IGDCC4: variants seen among roughly 807,000 people sequenced by gnomAD.
The protein encoded by IGDCC4 is immunoglobulin superfamily DCC subclass member 4, also known as likely ortholog of mouse neighbor of Punc E11.
A neutral mutation model predicts 116.6 loss-of-function variants in IGDCC4; 72 were observed. The ratio of observed to expected loss-of-function variants is 0.62; its 90% CI spans 0.51 to 0.75. The LOEUF (loss-of-function observed/expected upper bound fraction) is 0.75. Among genes scored for constraint, IGDCC4 ranks in the 30% least tolerant of loss-of-function variants. The probability of loss-of-function intolerance (pLI) is 0.00; values close to 1 mark genes in which losing one functional copy is unlikely to be tolerated. For synonymous variants in IGDCC4, 709 were observed against 719.9 expected, an observed-to-expected ratio of 0.98 and a Z score of 0.24; for missense variants, 1,501 against 1,662.4, an observed-to-expected ratio of 0.90 and a Z score of 1.69.
chr15:65,394,724 C>T (rs1184849354), intron 8 of IGDCC4, among the ~76,000 whole-genome samples, 176 bp from the exon 9 acceptor site: 1 of 152,188 alleles, frequency 6.6e-6, no homozygotes, highest in Non-Finnish European at 1.5e-5. Context: ...GAGGGGACAT[C>T]TTTCCCACCC....
At chr15:65,410,049 G>T in intron 3 of IGDCC4, 129 bp downstream of exon 3, 1 of 1,107,544 alleles carries the variant, frequency 9.0e-7, no homozygotes, top group Non-Finnish European at 1.3e-6. Context: ...CAGGAGTCAG[G>T]CGGTGGTTAA....
chr15:65,388,962 T>C lies in IGDCC4; in HGVS notation c.2553A>G (p.Pro851=). The part of the protein sequence containing the change: ...STLPDRPSTP[P]SDLRLSPLTP... ...TCAGGGGGCTCAGTCGCAGGTCGGA[T>C]GGGGGTGTGGAGGGCCCTGGGGTGC... Residue 851 remains proline (P), a synonymous_variant, in exon 15 of 20, where the codon CCA becomes CCG. Transcript: ENST00000352385. 1.2e-6 allele frequency: 2 copies of C among 1,600,822 alleles called. No homozygotes were observed. The highest frequency in any genetic ancestry group is 1.7e-6 in the Non-Finnish European group (2 of 1,174,362).
intron 1 of IGDCC4, among the ~76,000 whole-genome samples, chr15:65,421,800 T>C (rs2063193626): frequency 6.7e-6 from 1 of 149,204 alleles, no homozygotes; most frequent in Non-Finnish European, 1.5e-5. Flanking sequence ...CCCTGCCACC[T>C]ACACTCCCCA....
Position 65,400,878 on chromosome 15 carries a change from A to G in IGDCC4, c.769T>C (p.Ser257Pro). Residue 257 changes from serine (S) to proline (P), a missense_variant, in exon 5 of 20, where the codon TCT becomes CCT. This residue lies in a region of IGDCC4 where 898 missense variants were observed against 978.9 expected (regional missense o/e 0.92). Coordinates refer to ENST00000352385, the MANE Select transcript of IGDCC4 (RefSeq NM_020962.3). Reference protein sequence around the residue: ...VAAPENTTVVSGQSVVMECVA... With the variant: ...VAAPENTTVVPGQSVVMECVA... ...CATTCCATCACCACACTCTGGCCAG[A>G]CACCACTGTGGTGTTCTCTGGGGCT... The G allele has an allele frequency of 6.2e-7, 1 of 1,613,958 alleles. No individual in the cohort carries two copies. Among genetic ancestry groups the G allele is most frequent in the Non-Finnish European group, 8.5e-7 (1 of 1,179,966 alleles).
In IGDCC4 at chr15:65,402,496, G is replaced by C; in HGVS notation, c.564-9C>G. On this transcript the variant is annotated splice_polypyrimidine_tract_variant and intron_variant, in intron 3 of 19. Coordinates refer to ENST00000352385, the MANE Select transcript of IGDCC4 (RefSeq NM_020962.3). ...TGGGAAGCACGATGAGCCTTGGGAA[G>C]AGGGGAGCAGGCAACTGTGAGGTGG... The C allele has an allele frequency of 6.4e-7, 1 of 1,564,716 alleles. No homozygotes were observed. Among genetic ancestry groups the C allele is most frequent in the Non-Finnish European group, 8.7e-7 (1 of 1,153,654 alleles).
intron 3 of IGDCC4, among the ~76,000 whole-genome samples, chr15:65,403,569 G>A (rs1455645230): frequency 6.6e-6 from 1 of 152,066 alleles, no homozygotes; most frequent in African/African-American, 2.4e-5. Flanking sequence ...CCATTTTACT[G>A]GTGAAAAATA....
At chr15:65,404,215 A>C (rs985269989) in intron 3 of IGDCC4, among the ~76,000 whole-genome samples, 5 of 152,206 alleles carry the variant, frequency 3.3e-5, no homozygotes, top group African/African-American at 1.2e-4. Flanking sequence ...ACTTAGAGAA[A>C]AAAAGCATAA....
In IGDCC4 at chr15:65,384,550, A is replaced by G; in HGVS notation, c.3343-131T>C. 1 of 905,646 alleles carries G rather than the reference A, an allele frequency of 1.1e-6. No homozygotes were observed. The highest frequency in any genetic ancestry group is 2.0e-5 in the South Asian group (1 of 50,316). 56.1% of individuals were successfully genotyped at this position (905,646 alleles called of 1,614,324 possible). On this transcript the variant is annotated intron_variant, in intron 19 of 19. Transcript: ENST00000352385. The surrounding 1 kb of genome is among the most constrained non-coding windows in gnomAD (Gnocchi z 4.9). ...TATCACATGGGAGTCGGTGAAGGAT[A>G]CACAGGAACTGTTCGAACCTATACA... is the stretch of plus-strand genomic sequence containing the variant.
At position 65,395,804 on chromosome 15, in the gene IGDCC4, CG is replaced by C; in HGVS notation, c.1356del (p.Glu453ArgfsTer29). ...SSAVLVAWER[P>X]EMHSEQIIGF... Reference sequence around the variant, plus strand: ...CCGATGATCTGCTCGCTGTGCATCTCGGGCCGCTCCCAGGCCACCAACACAG... The same window carrying C: ...CCGATGATCTGCTCGCTGTGCATCTCGGCCGCTCCCAGGCCACCAACACAG... On this transcript the variant is annotated frameshift_variant, in exon 7 of 20. Coordinates refer to ENST00000352385, the MANE Select transcript of IGDCC4 (RefSeq NM_020962.3). LOFTEE classifies it high-confidence loss of function. 1 of 1,497,166 alleles carries C rather than the reference CG, an allele frequency of 6.7e-7. No homozygotes were observed. The highest frequency in any genetic ancestry group is 2.6e-5 in the East Asian group (1 of 37,824). The allele number at this position is 1,497,166 out of a possible 1,614,324, so 92.7% of individuals were successfully genotyped here.
rs16948696 is a variant in IGDCC4 at position 65,385,611 on chromosome 15, C to T, written c.3180+220G>A. On this transcript the variant is annotated intron_variant, in intron 18 of 19. Transcript: ENST00000352385. The stretch of plus-strand genomic sequence containing the variant: ...ACCCTGGGTCACCTGCTGGGAGGCC[C>T]TTTCCTTCGTGAGAACCAAGCTGAC... The T allele has an allele frequency of 2.1e-3, 1,302 of 627,366 alleles. 14 individuals are homozygous for T. The highest frequency in any genetic ancestry group is 0.02 in the African/African-American group (1,114 of 54,736). The allele number at this position is 627,366 out of a possible 1,614,324, so 38.9% of individuals were successfully genotyped here. A position where few individuals can be genotyped will look rare whatever the true frequency, so the allele number is the denominator to read the frequency against.
At position 65,395,796 on chromosome 15, in the gene IGDCC4, G is replaced by A; in HGVS notation, c.1365C>T (p.His455=). The change falls in exon 7 of 20, where the codon CAC becomes CAT. Residue 455 remains histidine (H), a synonymous_variant. Coordinates refer to ENST00000352385, the MANE Select transcript of IGDCC4 (RefSeq NM_020962.3). ...GAGAGAAGCCGATGATCTGCTCGCT[G>A]TGCATCTCGGGCCGCTCCCAGGCCA... ...VLVAWERPEM[H]SEQIIGFSLH... The A allele has an allele frequency of 6.7e-7, 1 of 1,485,298 alleles. No homozygotes were observed. The highest frequency in any genetic ancestry group is 9.0e-7 in the Non-Finnish European group (1 of 1,111,962). The allele number at this position is 1,485,298 out of a possible 1,614,324, so 92.0% of individuals were successfully genotyped here. A position where few individuals can be genotyped will look rare whatever the true frequency, so the allele number is the denominator to read the frequency against.
At chr15:65,409,798 C>T (rs2063073094) in intron 3 of IGDCC4, among the ~76,000 whole-genome samples, 1 of 152,224 alleles carries the variant, frequency 6.6e-6, no homozygotes, top group Non-Finnish European at 1.5e-5. Context: ...AAAACCTTCC[C>T]AGCAGCCTCG....
Position 65,394,506 on chromosome 15 carries a change from G to C in IGDCC4, c.1619C>G (p.Pro540Arg). The C allele has an allele frequency of 6.2e-7, 1 of 1,613,006 alleles. No individual in the cohort carries two copies. The change falls in exon 9 of 20, where the codon CCT (proline) becomes CGT (arginine). Residue 540 changes from proline (P) to arginine (R), a missense_variant. Pro to Arg is a moderately radical substitution (Grantham distance 103). Coordinates refer to ENST00000352385, the MANE Select transcript of IGDCC4 (RefSeq NM_020962.3). ...CAGCCACGCCACCCTGATGTCCGAAGGGTTGGGGCTGGACAGGGAGAGCTG... is the reference window on the plus strand; with the variant it reads ...CAGCCACGCCACCCTGATGTCCGAACGGTTGGGGCTGGACAGGGAGAGCTG... Reference protein sequence around the residue: ...APQLSLSSPNPSDIRVAWLPL... With the variant: ...APQLSLSSPNRSDIRVAWLPL...
At chr15:65,389,517 C>T (rs2091492790) in intron 13 of IGDCC4, 106 bp from the exon 14 acceptor site, 10 of 1,515,574 alleles carry the variant, frequency 6.6e-6, no homozygotes, top group Middle Eastern at 2.0e-4. Context: ...CAGGCTCTAC[C>T]CTGGGAAGGG....
chr15:65,417,609 G>C (rs146353872), intron 1 of IGDCC4, among the ~76,000 whole-genome samples: 3 of 151,958 alleles, frequency 2.0e-5, no homozygotes, highest in African/African-American at 4.8e-5. Flanking sequence ...TTTTTTTTGC[G>C]GGGGGAGACG....
chr15:65,411,966 T>A (rs2063098444), intron 1 of IGDCC4, among the ~76,000 whole-genome samples: 1 of 152,170 alleles, frequency 6.6e-6, no homozygotes, highest in South Asian at 2.1e-4. Flanking sequence ...AGTTGAACAC[T>A]GTAAAGGGTG....
intron 16 of IGDCC4, 62 bp from the exon 17 acceptor site, chr15:65,386,718 C>G: frequency 7.8e-7 from 1 of 1,280,746 alleles, no homozygotes; most frequent in Non-Finnish European, 1.1e-6. Flanking sequence ...GGGCATAGAT[C>G]AGGACTATCC....
In IGDCC4 at chr15:65,385,420, C is replaced by G. The variant is rs541709915; in HGVS notation, c.3181-305G>C. 4.6e-5 allele frequency: 24 copies of G among 525,768 alleles called. No homozygotes were observed. The South Asian group carries it at 5.2e-4, about 11-fold the overall frequency. 32.6% of individuals were successfully genotyped at this position (525,768 alleles called of 1,614,324 possible). A position where few individuals can be genotyped will look rare whatever the true frequency, so the allele number is the denominator to read the frequency against. On this transcript the variant is annotated intron_variant, in intron 18 of 19. Transcript: ENST00000352385. Reference sequence around the variant, plus strand: ...CGGAGTTGGGTGGGATGTGCCGCCCCTGCCAGCATGAAAGGGACCAGCCCA... The same window carrying G: ...CGGAGTTGGGTGGGATGTGCCGCCCGTGCCAGCATGAAAGGGACCAGCCCA...
In IGDCC4 at chr15:65,410,033, A is replaced by G. The variant is rs2063075038; in HGVS notation, c.563+145T>C. 5.1e-6 allele frequency: 5 copies of G among 974,550 alleles called. No homozygotes were observed. In the East Asian group the frequency reaches 1.3e-4, roughly 25 times the overall value. The allele number at this position is 974,550 out of a possible 1,614,324, so 60.4% of individuals were successfully genotyped here. A position where few individuals can be genotyped will look rare whatever the true frequency, so the allele number is the denominator to read the frequency against. ...GTCCAACTTCTCTTTGGGACTAGAC[A>G]TGAGCCAGGAGTCAGGCGGTGGTTA... On this transcript the variant is annotated intron_variant, in intron 3 of 19. Coordinates refer to ENST00000352385, the MANE Select transcript of IGDCC4 (RefSeq NM_020962.3).
Sources: allele counts gnomAD v4.1 joint callset (sites outside exome capture counted in the v4.1 genomes callset), GRCh38; gene constraint gnomAD v4.1.1; regional missense constraint gnomAD v4.1.1; non-coding constraint Gnocchi (gnomAD v3.1); transcripts MANE v1.5; gene names NCBI Gene and HGNC (gene_info 2026-07-23, HGNC 2026-07-21).